Variants in CPOX observed in about 807,000 individuals in gnomAD.
The protein encoded by CPOX is oxygen-dependent coproporphyrinogen-III oxidase, mitochondrial.
Under a neutral mutation model 48.9 loss-of-function variants are expected in CPOX, and 24 were observed. That is an observed-to-expected ratio of 0.49 (90% CI 0.36 to 0.69). The LOEUF is 0.69. Among genes scored for constraint, CPOX ranks in the 30% least tolerant of loss-of-function variants. The pLI is 0.00. For synonymous variants in CPOX, 249 were observed against 234.6 expected (o/e 1.06, Z -0.56); for missense variants, 549 against 597.3 (o/e 0.92, Z 0.84).
At chr3:98,576,773 T>G (rs974867232), downstream of CPOX, among the ~76,000 whole-genome samples, 8 of 152,170 alleles carry the variant, frequency 5.3e-5, no homozygotes, top group Middle Eastern at 3.2e-3. Context: ...TACTGGGAAC[T>G]TCTGTTTTCA....
At chr3:98,576,706 G>T (rs1707166520), downstream of CPOX, among the ~76,000 whole-genome samples, 1 of 152,182 alleles carries the variant, frequency 6.6e-6, no homozygotes, top group Admixed American at 6.5e-5. Flanking sequence ...ATTCATACTT[G>T]TGGCAGGGAT....
the CPOX span, among the ~76,000 whole-genome samples, chr3:98,572,354 T>C: frequency 1.3e-5 from 2 of 152,226 alleles, no homozygotes; most frequent in African/African-American, 2.4e-5. Context: ...TTTTTTAAGT[T>C]TGTACTTGCC....
the CPOX span, among the ~76,000 whole-genome samples, chr3:98,574,438 T>G: frequency 6.6e-6 from 1 of 152,116 alleles, no homozygotes; most frequent in African/African-American, 2.4e-5. Flanking sequence ...GGCAGAGAGG[T>G]AAAGATGAAA....
intron 5 of CPOX, among the ~76,000 whole-genome samples, 156 bp downstream of exon 5, chr3:98,585,285 C>T (rs1252304862): frequency 6.6e-6 from 1 of 152,178 alleles, no homozygotes; most frequent in Non-Finnish European, 1.5e-5. Flanking sequence ...TATAATATTA[C>T]TTTACACAAT....
chr3:98,573,048 T>C, the CPOX span, among the ~76,000 whole-genome samples: 1 of 152,184 alleles, frequency 6.6e-6, no homozygotes, highest in African/African-American at 2.4e-5. Flanking sequence ...ACACACCCCC[T>C]GGGGTATAAA....
intron 3 of CPOX, among the ~76,000 whole-genome samples, chr3:98,589,450 T>G (rs1707434033): frequency 6.6e-6 from 1 of 152,090 alleles, no homozygotes; most frequent in Non-Finnish European, 1.5e-5. Context: ...GGAAGTGGAT[T>G]GCAACTCTGG....
chr3:98,583,638 G>A (rs1707301677), intron 5 of CPOX, among the ~76,000 whole-genome samples: 1 of 152,198 alleles, frequency 6.6e-6, no homozygotes, highest in African/African-American at 2.4e-5. Context: ...AGGTCTGGGG[G>A]AGGATAGCAG....
intron 5 of CPOX, 144 bp from the exon 6 acceptor site, chr3:98,581,655 C>T (rs929611155): frequency 3.1e-6 from 2 of 651,432 alleles, no homozygotes; most frequent in African/African-American, 3.6e-5. Context: ...GCCTACAGCC[C>T]ATTGAGAGCT....
In CPOX at chr3:98,579,728, T is replaced by C. The variant is rs2107111027; in HGVS notation, c.*955A>G. ...AATCTCTAATATAAAAAAGAGGACA[T>C]TTTCAATGTGTCCATTTTCCTAAGA... On this transcript the variant is annotated 3_prime_UTR_variant, in exon 7 of 7. Transcript: ENST00000647941. 1.0e-6 allele frequency: 1 copy of C among 985,386 alleles called. No individual in the cohort carries two copies. Among genetic ancestry groups the C allele is most frequent in the Non-Finnish European group, 1.2e-6 (1 of 829,664 alleles). 61.0% of individuals were successfully genotyped at this position (985,386 alleles called of 1,614,324 possible).
rs1707228387 is a variant in CPOX at position 98,580,255 on chromosome 3, A to C, written c.*428T>G. The C allele has an allele frequency of 1.0e-6, 1 of 995,002 alleles. No homozygotes were observed. The highest frequency in any genetic ancestry group is 1.7e-5 in the African/African-American group (1 of 57,302). The allele number at this position is 995,002 out of a possible 1,614,324, so 61.6% of individuals were successfully genotyped here. ...CTTCAAGTTGCATTCTAAAATTACT[A>C]TGAAGTCTCAACTTCACTGAATTAA... On this transcript the variant is annotated 3_prime_UTR_variant, in exon 7 of 7. Coordinates refer to ENST00000647941, the MANE Select transcript of CPOX (RefSeq NM_000097.7).
At position 98,580,557 on chromosome 3, in the gene CPOX, G is replaced by C; in HGVS notation, c.*126C>G. The C allele has an allele frequency of 6.5e-7, 1 of 1,542,130 alleles. No homozygotes were observed. The highest frequency in any genetic ancestry group is 1.2e-5 in the South Asian group (1 of 84,712). ...AAAACATGTTATCATCTGCCCACGAGGTAGGGTGCAGAGTGGAGAAGACTA... is the reference window on the plus strand; with the variant it reads ...AAAACATGTTATCATCTGCCCACGACGTAGGGTGCAGAGTGGAGAAGACTA... On this transcript the variant is annotated 3_prime_UTR_variant, in exon 7 of 7. Transcript: ENST00000647941.
rs372203359 is a variant in CPOX at position 98,592,757 on chromosome 3, T to C, written c.556+192A>G. ...TACAGTGACAGCTGATCCGGGTCCA[T>C]ACCTGCAAGCAGAGGGCTAGTGACC... On this transcript the variant is annotated intron_variant, in intron 1 of 6. Transcript: ENST00000647941. 5.3e-5 allele frequency among the ~76,000 whole-genome samples: 8 copies of C among 152,232 alleles called. 1 individual carries two copies. Among genetic ancestry groups the C allele is most frequent in the African/African-American group, 1.9e-4 (8 of 41,542 alleles).
downstream of CPOX, chr3:98,578,166 A>G (rs1707189689): frequency 1.4e-6 from 1 of 711,172 alleles, no homozygotes; most frequent in South Asian, 6.3e-5. Flanking sequence ...AAATTGAAAG[A>G]GAAATTCACT....
chr3:98,585,757 A>C, intron 4 of CPOX, 98 bp from the exon 5 acceptor site: 5 of 911,432 alleles, frequency 5.5e-6, no homozygotes, highest in Non-Finnish European at 9.1e-6. Context: ...TCCTCAACTA[A>C]TGTCAGGATG....
At chr3:98,586,435 C>T (rs144459261) in intron 4 of CPOX, among the ~76,000 whole-genome samples, 87 of 152,236 alleles carry the variant, frequency 5.7e-4, no homozygotes, top group African/African-American at 2.0e-3. Flanking sequence ...GTACTATAAA[C>T]AATCTCTCAG....
At position 98,591,068 on chromosome 3, in the gene CPOX, G is replaced by A. The variant is rs146049447; in HGVS notation, c.644C>T (p.Ser215Leu). The change falls in exon 2 of 7, where the codon TCA (serine) becomes TTA (leucine). Residue 215 changes from serine to leucine, a missense_variant. This residue lies in a region of CPOX where 336 missense variants were observed against 318.1 expected (regional missense o/e 1.06). Transcript: ENST00000647941. ...TCTCATTTGTTTTGCAGCTTCCTCT[G>A]AAAGATTTCCATGAACAACAGAAAT... is the stretch of plus-strand genomic sequence containing the variant. The part of the protein sequence containing the change: ...VSISVVHGNL[S>L]EEAAKQMRSR... 1.9e-5 allele frequency: 30 copies of A among 1,613,954 alleles called. No individual in the cohort carries two copies. The highest frequency in any genetic ancestry group is 2.4e-5 in the Non-Finnish European group (28 of 1,179,986).
intron 1 of CPOX, among the ~76,000 whole-genome samples, chr3:98,592,428 T>C (rs183204382): frequency 3.7e-4 from 56 of 152,276 alleles, no homozygotes; most frequent in African/African-American, 1.3e-3. Context: ...GTAGTGCTAC[T>C]GAGAAACGAA....
In CPOX at chr3:98,593,370, T is replaced by A. The variant is rs1707525442; in HGVS notation, c.135A>T (p.Gly45=). The change falls in exon 1 of 7, where the codon GGA becomes GGT. Residue 45 remains glycine, a synonymous_variant. Coordinates refer to ENST00000647941, the MANE Select transcript of CPOX (RefSeq NM_000097.7). The part of the protein sequence containing the change: ...LRAWSQRSAA[G]RVCRPPGPAG... ...CCGGGCCAGGGGGCCGGCAGACGCGTCCGGCTGCGCTGCGCTGGGACCAGG... is the reference window on the plus strand; with the variant it reads ...CCGGGCCAGGGGGCCGGCAGACGCGACCGGCTGCGCTGCGCTGGGACCAGG... The A allele has an allele frequency of 1.5e-6, 2 of 1,341,972 alleles. No homozygotes were observed. The highest frequency in any genetic ancestry group is 1.9e-6 in the Non-Finnish European group (2 of 1,058,718). The allele number at this position is 1,341,972 out of a possible 1,614,324, so 83.1% of individuals were successfully genotyped here. A position where few individuals can be genotyped will look rare whatever the true frequency, so the allele number is the denominator to read the frequency against.
chr3:98,592,272 G>C lies in CPOX; in HGVS notation c.556+677C>G, dbSNP rs555422028. On this transcript the variant is annotated intron_variant, in intron 1 of 6. Transcript: ENST00000647941. ...CTAGGAAAAGTCAGGAATCTTTCAA[G>C]TTTCCACTCAAGATGTGGGGTTTCA... 5.9e-5 allele frequency among the ~76,000 whole-genome samples: 9 copies of C among 152,242 alleles called. No homozygotes were observed. The South Asian group carries it at 1.9e-3, about 32-fold the overall frequency.
Sources: allele counts gnomAD v4.1 joint callset (sites outside exome capture counted in the v4.1 genomes callset), GRCh38; gene constraint gnomAD v4.1.1; regional missense constraint gnomAD v4.1.1; transcripts MANE v1.5; gene names NCBI Gene and HGNC (gene_info 2026-07-23, HGNC 2026-07-21).